The following RB1 variants were observed in gnomAD, a reference collection of about 807,000 sequenced individuals.
The protein encoded by RB1 is retinoblastoma-associated protein.
A neutral mutation model predicts 135.4 loss-of-function variants in RB1; 18 were observed. That is an observed-to-expected ratio of 0.13 (90% CI 0.09 to 0.20). The LOEUF is 0.20. Ranked by LOEUF, RB1 falls within the 10% of genes least tolerant of loss-of-function variation. RB1 has a pLI of 1.00. For missense variants in RB1, 868 were observed against 1,110.0 expected, an observed-to-expected ratio of 0.78 and a Z score of 3.10; for synonymous variants, 365 against 373.2, an observed-to-expected ratio of 0.98 and a Z score of 0.25.
chr13:48,445,151 G>A (rs1949276193), intron 17 of RB1: 1 of 152,164 alleles, frequency 6.6e-6, no homozygotes, highest in Non-Finnish European at 1.5e-5. Flanking sequence ...TTTGTCACTT[G>A]TAACAGAGCT....
intron 7 of RB1, 108 bp downstream of exon 7, chr13:48,360,235 A>G: frequency 6.5e-7 from 1 of 1,548,242 alleles, no homozygotes; most frequent in Non-Finnish European, 8.7e-7. Context: ...ATAAAAAATA[A>G]ATCAGACATG....
At chr13:48,374,921 G>C (rs1332889383) in intron 12 of RB1, among the ~76,000 whole-genome samples, 2 of 151,952 alleles carry the variant, frequency 1.3e-5, no homozygotes, top group Non-Finnish European at 2.9e-5. Context: ...ATGTCCATGA[G>C]TACCTGATAT....
intron 17 of RB1, among the ~76,000 whole-genome samples, chr13:48,421,923 T>C (rs1949011964): frequency 6.6e-6 from 1 of 151,848 alleles, no homozygotes. Flanking sequence ...TTGGTGGGAG[T>C]GTAAATTAGT....
At chr13:48,432,702 G>A (rs546149289) in intron 17 of RB1, among the ~76,000 whole-genome samples, 1 of 152,072 alleles carries the variant, frequency 6.6e-6, no homozygotes, top group African/African-American at 2.4e-5. Context: ...TGTCTTCCTT[G>A]ACTTCTGTCA....
intron 17 of RB1, among the ~76,000 whole-genome samples, chr13:48,396,314 A>G (rs1027225071): frequency 6.6e-6 from 1 of 152,056 alleles, no homozygotes; most frequent in African/African-American, 2.4e-5. Context: ...AACCAACGGA[A>G]CAGAACAGAG....
Position 48,480,102 on chromosome 13 carries a change from C to T in RB1, c.*31C>T, listed in dbSNP as rs377188800. On this transcript the variant is annotated 3_prime_UTR_variant, in exon 27 of 27. Transcript: ENST00000267163. ...TCAGGACCTTGGTGGACACTGTGTA[C>T]ACCTCTGGATTCATTGTCTCTCACA... is the stretch of plus-strand genomic sequence containing the variant. The T allele has an allele frequency of 3.9e-5, 60 of 1,549,390 alleles. No individual in the cohort carries two copies. Among genetic ancestry groups the T allele is most frequent in the Non-Finnish European group, 5.2e-5 (58 of 1,122,994 alleles).
Position 48,367,621 on chromosome 13 carries a change from TTTGA to T in RB1, c.1049+25_1049+28del. The T allele has an allele frequency of 6.3e-7, 1 of 1,596,822 alleles. No individual in the cohort carries two copies. The highest frequency in any genetic ancestry group is 8.6e-7 in the Non-Finnish European group (1 of 1,169,498). On this transcript the variant is annotated intron_variant, in intron 10 of 26. Coordinates refer to ENST00000267163, the MANE Select transcript of RB1 (RefSeq NM_000321.3). ...ATAGACAGGTATTGCACATGGTATA[TTTGA>T]TTGATTTGCTTTAGATATAGGTTGA... is the stretch of plus-strand genomic sequence containing the variant.
intron 16 of RB1, 112 bp from the exon 17 acceptor site, chr13:48,381,134 TA>T: frequency 1.4e-6 from 2 of 1,401,398 alleles, no homozygotes; most frequent in South Asian, 1.5e-5. Context: ...CTGCTCTAAA[TA>T]AAAATGGTTT....
rs1949539889 is a variant in RB1 at position 48,481,810 on chromosome 13, A to G, written c.*1739A>G. On this transcript the variant is annotated 3_prime_UTR_variant, in exon 27 of 27. Transcript: ENST00000267163. The stretch of plus-strand genomic sequence containing the variant: ...GCTTTTTTGTATTGGTTAAAACTGT[A>G]CATTTAAAATTGCTATGTTACTATT... 1 of 225,132 alleles carries G rather than the reference A, an allele frequency of 4.4e-6. No homozygotes were observed. The highest frequency in any genetic ancestry group is 2.2e-5 in the African/African-American group (1 of 44,954). The allele number at this position is 225,132 out of a possible 1,614,324, so 13.9% of individuals were successfully genotyped here.
intron 12 of RB1, among the ~76,000 whole-genome samples, 168 bp from the exon 13 acceptor site, chr13:48,376,750 T>G (rs1952828704): frequency 6.6e-6 from 1 of 152,212 alleles, no homozygotes; most frequent in African/African-American, 2.4e-5. Flanking sequence ...TAACATCCAG[T>G]GAAATGATAT....
At chr13:48,459,582 A>C in intron 19 of RB1, 106 bp from the exon 20 acceptor site, 1 of 1,173,412 alleles carries the variant, frequency 8.5e-7, no homozygotes, top group African/African-American at 1.5e-5. Flanking sequence ...TTCTGTTAAA[A>C]TGCTACTTAA....
Position 48,311,894 on chromosome 13 carries a change from C to T in RB1, c.264+4488C>T, listed in dbSNP as rs192862725. On this transcript the variant is annotated intron_variant, in intron 2 of 26. Transcript: ENST00000267163. ...CTAATTTTTGTATTTTTAGTAGAGA[C>T]GGGGTTTCACCGTGTTAGTCAGGCT... is the stretch of plus-strand genomic sequence containing the variant. Among the ~76,000 whole-genome samples, 989 of 152,146 alleles carry T rather than the reference C, an allele frequency of 6.5e-3. 14 individuals carry two copies. The highest frequency in any genetic ancestry group is 0.023 in the African/African-American group (942 of 41,504).
intron 2 of RB1, among the ~76,000 whole-genome samples, chr13:48,334,559 G>A (rs1239933067): frequency 1.3e-5 from 2 of 152,098 alleles, no homozygotes; most frequent in African/African-American, 2.4e-5. Flanking sequence ...GAGCACAAAA[G>A]CACATGTTTC....
At chr13:48,430,380 ATAAAAAATGACTCCATT>A (rs1288542489) in intron 17 of RB1, among the ~76,000 whole-genome samples, 1 of 152,234 alleles carries the variant, frequency 6.6e-6, no homozygotes, top group Non-Finnish European at 1.5e-5. Flanking sequence ...AATAATCTCA[ATAAAAAATGACTCCATT>A]TAAAAAATGA....
intron 6 of RB1, among the ~76,000 whole-genome samples, chr13:48,355,441 G>GA (rs1450633278): frequency 1.3e-5 from 2 of 152,108 alleles, no homozygotes; most frequent in Non-Finnish European, 2.9e-5. Context: ...AGGATGTGGA[G>GA]AAAAGAGAAC....
intron 9 of RB1, 82 bp downstream of exon 9, chr13:48,365,053 T>G (rs1952681567): frequency 6.8e-7 from 1 of 1,469,126 alleles, no homozygotes; most frequent in Non-Finnish European, 9.1e-7. Flanking sequence ...CTTAGATCAA[T>G]TTACTGTGTA....
Position 48,465,297 on chromosome 13 carries a change from T to G in RB1, c.2418T>G (p.Ile806Met), listed in dbSNP as rs1368593116. ...GGATTCCTGGAGGGAACATCTATAT[T>G]TCACCCCTGAAGAGTCCATATAAAA... ...PLRIPGGNIY[I>M]SPLKSPYKIS... Residue 806 changes from isoleucine (I) to methionine (M), a missense_variant, in exon 23 of 27, where the codon ATT (isoleucine) becomes ATG (methionine). This residue lies in a region of RB1 where 196 missense variants were observed against 239.8 expected (regional missense o/e 0.82). Transcript: ENST00000267163. 6.2e-7 allele frequency: 1 copy of G among 1,611,486 alleles called. No individual in the cohort carries two copies. The highest frequency in any genetic ancestry group is 1.3e-5 in the African/African-American group (1 of 74,842).
intron 4 of RB1, among the ~76,000 whole-genome samples, chr13:48,346,633 A>G (rs1387108069): frequency 1.3e-5 from 2 of 152,002 alleles, no homozygotes; most frequent in African/African-American, 2.4e-5. Context: ...AAACATATCT[A>G]AACATAAAAT....
chr13:48,314,751 A>G (rs984331124), intron 2 of RB1, among the ~76,000 whole-genome samples: 3 of 151,786 alleles, frequency 2.0e-5, no homozygotes, highest in Non-Finnish European at 4.4e-5. Flanking sequence ...CAGTGAGCCG[A>G]AGTCGTGCCA....
Sources: gnomAD v4.1 joint callset for allele counts (sites outside exome capture counted in the v4.1 genomes callset) on GRCh38, gnomAD v4.1.1 for gene constraint, gnomAD v4.1.1 regional missense constraint, MANE v1.5 for transcripts, NCBI Gene and HGNC (gene_info 2026-07-23, HGNC 2026-07-21) for gene names.